Variants in TAOK1 observed in about 807,000 individuals in gnomAD.
The protein encoded by TAOK1 is TAO kinase 1, also known as serine/threonine-protein kinase TAO1.
In TAOK1, 21 loss-of-function variants were observed where a neutral mutation model predicts 138.3. The ratio of observed to expected loss-of-function variants is 0.15; its 90% confidence interval spans 0.11 to 0.22. The LOEUF (loss-of-function observed/expected upper bound fraction) is 0.22. Ranked by LOEUF, TAOK1 falls within the 10% of genes least tolerant of loss-of-function variation. TAOK1 has a pLI of 1.00. For synonymous variants in TAOK1, 361 were observed against 398.4 expected, an observed-to-expected ratio of 0.91 and a Z score of 1.12; for missense variants, 651 against 1,227.7, an observed-to-expected ratio of 0.53 and a Z score of 7.02.
At chr17:29,495,437 A>T in intron 10 of TAOK1, 123 bp from the exon 11 acceptor site, 5 of 700,818 alleles carry the variant, frequency 7.1e-6, no homozygotes, top group Non-Finnish European at 1.1e-5. Flanking sequence ...GAAATTTAAC[A>T]GAATTATATA....
chr17:29,473,019 G>A (rs1451533244), intron 3 of TAOK1, among the ~76,000 whole-genome samples: 1 of 152,074 alleles, frequency 6.6e-6, no homozygotes, highest in South Asian at 2.1e-4. Flanking sequence ...CTAGGTACAC[G>A]GGCAAAGACC....
intron 1 of TAOK1, among the ~76,000 whole-genome samples, chr17:29,423,088 TC>T (rs900045763): frequency 1.6e-4 from 24 of 150,260 alleles, no homozygotes; most frequent in Admixed American, 1.5e-3. Flanking sequence ...TTCTTTTTTT[TC>T]CCCCATTTTT....
chr17:29,426,103 A>G (rs1205153274), intron 1 of TAOK1, among the ~76,000 whole-genome samples: 4 of 152,070 alleles, frequency 2.6e-5, no homozygotes, highest in African/African-American at 9.7e-5. Context: ...GATGGTCTCG[A>G]TCTCCTGACC....
chr17:29,549,757 T>C lies in TAOK1; in HGVS notation c.*6735T>C, dbSNP rs992046759. 7 of 152,194 alleles carry C rather than the reference T, an allele frequency of 4.6e-5. No individual in the cohort carries two copies. The highest frequency in any genetic ancestry group is 1.0e-4 in the Non-Finnish European group (7 of 68,026). The allele number at this position is 152,194 out of a possible 1,614,324, so 9.4% of individuals were successfully genotyped here. On this transcript the variant is annotated 3_prime_UTR_variant, in exon 20 of 20. Transcript: ENST00000261716. ...AGTTTATATATAACTTACCAAGATG[T>C]TGGCTGTCCTGGTGTATTGCCAGAC... is the stretch of plus-strand genomic sequence containing the variant.
intron 1 of TAOK1, among the ~76,000 whole-genome samples, chr17:29,396,812 G>T (rs1598462278): frequency 6.6e-6 from 1 of 151,512 alleles, no homozygotes; most frequent in South Asian, 2.1e-4. Context: ...CCAATGTGGA[G>T]GAAACCCGTC....
intron 12 of TAOK1, among the ~76,000 whole-genome samples, chr17:29,499,044 A>T (rs1435811239): frequency 6.6e-6 from 1 of 152,176 alleles, no homozygotes; most frequent in Non-Finnish European, 1.5e-5. Context: ...GAACTATTTC[A>T]AAATATTAGA....
At chr17:29,420,880 C>T (rs1186074121) in intron 1 of TAOK1, among the ~76,000 whole-genome samples, 1 of 152,110 alleles carries the variant, frequency 6.6e-6, no homozygotes, top group Admixed American at 6.6e-5. Context: ...CCGCGCCCAG[C>T]CGGAAAATAC....
intron 6 of TAOK1, 88 bp downstream of exon 6, chr17:29,478,435 G>T: frequency 2.3e-6 from 2 of 885,458 alleles, no homozygotes; most frequent in Non-Finnish European, 1.7e-6. Context: ...AGTTTTTATT[G>T]GTTAAAGCCA....
rs754319934 is a variant in TAOK1 at position 29,517,472 on chromosome 17, G to A, written c.1724G>A (p.Ser575Asn). Residue 575 changes from serine to asparagine, a missense_variant, in exon 16 of 20, where the codon AGT becomes AAT. Transcript: ENST00000261716. ...TGCCAGGAGCTAAATGAAAACCAGA[G>A]TACCCCCAAAAAAGAAAAACAGGAG... The part of the protein sequence containing the change: ...QLKEELNENQ[S>N]TPKKEKQEWL... The A allele has an allele frequency of 8.7e-6, 14 of 1,613,698 alleles. No homozygotes were observed. Among genetic ancestry groups the A allele is most frequent in the South Asian group, 4.4e-5 (4 of 91,064 alleles).
At position 29,545,801 on chromosome 17, in the gene TAOK1, A is replaced by T. The variant is rs980264008; in HGVS notation, c.*2779A>T. 6.6e-6 allele frequency: 1 copy of T among 152,098 alleles called. No homozygotes were observed. The highest frequency in any genetic ancestry group is 2.1e-4 in the South Asian group (1 of 4,832). 9.4% of individuals were successfully genotyped at this position (152,098 alleles called of 1,614,324 possible). A position where few individuals can be genotyped will look rare whatever the true frequency, so the allele number is the denominator to read the frequency against. ...GTGGGGAAATATCAATATTTGATCA[A>T]ATTAACACTACCTCCTTCCCAGTGT... On this transcript the variant is annotated 3_prime_UTR_variant, in exon 20 of 20. Coordinates refer to ENST00000261716, the MANE Select transcript of TAOK1 (RefSeq NM_020791.4).
chr17:29,424,650 A>G (rs1417000823), intron 1 of TAOK1: 1 of 152,134 alleles, frequency 6.6e-6, no homozygotes, highest in Non-Finnish European at 1.5e-5. Flanking sequence ...TGTGTCATGT[A>G]TTAGATTACT....
At chr17:29,454,044 G>A (rs140859708) in intron 2 of TAOK1, among the ~76,000 whole-genome samples, 400 of 149,540 alleles carry the variant, frequency 2.7e-3, no homozygotes, top group Middle Eastern at 0.01. Context: ...TTGAACTCCT[G>A]GGCACAAGCA....
intron 16 of TAOK1, among the ~76,000 whole-genome samples, chr17:29,520,989 C>T (rs915474189): frequency 1.3e-4 from 20 of 151,746 alleles, no homozygotes; most frequent in Middle Eastern, 3.4e-3. Flanking sequence ...GGTACCATTG[C>T]ACTCCAAGCC....
Position 29,478,229 on chromosome 17 carries a change from T to A in TAOK1, c.353-22T>A, listed in dbSNP as rs2030987787. The A allele has an allele frequency of 3.2e-6, 5 of 1,560,430 alleles. No homozygotes were observed. In the Admixed American group the frequency reaches 7.6e-5, roughly 24 times the overall value. On this transcript the variant is annotated intron_variant, in intron 5 of 19. Coordinates refer to ENST00000261716, the MANE Select transcript of TAOK1 (RefSeq NM_020791.4). ...TTAACAAAAATGTTCTGTGTATTAA[T>A]TATTTTGAAATAAATTTTAAGTTCA...
intron 6 of TAOK1, among the ~76,000 whole-genome samples, chr17:29,478,956 C>T (rs1468737109): frequency 6.6e-6 from 1 of 152,108 alleles, no homozygotes; most frequent in African/African-American, 2.4e-5. Flanking sequence ...AAAACCTCGT[C>T]TCCACTGAAA....
intron 1 of TAOK1, among the ~76,000 whole-genome samples, chr17:29,401,219 G>T (rs1287641172): frequency 1.3e-5 from 2 of 151,942 alleles, no homozygotes; most frequent in Non-Finnish European, 2.9e-5. Context: ...TCAGCAGTTT[G>T]CCACATTTTT....
In TAOK1 at chr17:29,548,873, T is replaced by C. The variant is rs2032445500; in HGVS notation, c.*5851T>C. ...TAGGTGACATTTTTAGAATTAATAC[T>C]TAAATGTTAAACAGGGGGAAATGAA... is the stretch of plus-strand genomic sequence containing the variant. On this transcript the variant is annotated 3_prime_UTR_variant, in exon 20 of 20. Coordinates refer to ENST00000261716, the MANE Select transcript of TAOK1 (RefSeq NM_020791.4). 1 of 152,156 alleles carries C rather than the reference T, an allele frequency of 6.6e-6. No homozygotes were observed. The highest frequency in any genetic ancestry group is 1.5e-5 in the Non-Finnish European group (1 of 68,002). 9.4% of individuals were successfully genotyped at this position (152,156 alleles called of 1,614,324 possible). A position where few individuals can be genotyped will look rare whatever the true frequency, so the allele number is the denominator to read the frequency against.
intron 1 of TAOK1, among the ~76,000 whole-genome samples, chr17:29,394,332 A>AT (rs1381103816): frequency 2.6e-5 from 4 of 151,386 alleles, no homozygotes; most frequent in African/African-American, 7.3e-5. Context: ...AGCCCAGCTA[A>AT]TTTTTTGTAT....
intron 1 of TAOK1, among the ~76,000 whole-genome samples, chr17:29,420,201 C>T (rs968884600): frequency 8.6e-5 from 13 of 151,906 alleles, no homozygotes; most frequent in African/African-American, 2.4e-4. Flanking sequence ...CATGCCACGA[C>T]GCCTGGCTTA....
Sources: allele counts gnomAD v4.1 joint callset (sites outside exome capture counted in the v4.1 genomes callset), GRCh38; gene constraint gnomAD v4.1.1; transcripts MANE v1.5; gene names NCBI Gene and HGNC (gene_info 2026-07-23, HGNC 2026-07-21).